The following ERBB4 variants were observed in gnomAD, a reference collection of about 807,000 sequenced individuals.
ERBB4 encodes erb-b2 receptor tyrosine kinase 4, also known as receptor tyrosine-protein kinase erbB-4.
Under a neutral mutation model 158.0 loss-of-function variants are expected in ERBB4, and 42 were observed. The observed-to-expected ratio is 0.27, with a 90% CI of 0.21 to 0.34. ERBB4 has a LOEUF of 0.34. Ranked by LOEUF, ERBB4 falls within the 10% of genes least tolerant of loss-of-function variation. The pLI is 1.00. For synonymous variants in ERBB4, 583 were observed against 558.7 expected, an observed-to-expected ratio of 1.04 and a Z score of -0.61; for missense variants, 1,333 against 1,624.1, an observed-to-expected ratio of 0.82 and a Z score of 3.08.
At chr2:212,531,674 G>GA (rs980078510) in intron 1 of ERBB4, among the ~76,000 whole-genome samples, 10 of 151,638 alleles carry the variant, frequency 6.6e-5, no homozygotes, top group South Asian at 2.1e-4. Flanking sequence ...TTTTAAAAAT[G>GA]AAAAAATAAG....
intron 1 of ERBB4, among the ~76,000 whole-genome samples, chr2:212,530,692 G>A (rs146194013): frequency 1.8e-4 from 27 of 152,184 alleles, no homozygotes; most frequent in African/African-American, 5.5e-4. Flanking sequence ...ACAAGCACAC[G>A]CATTTTTTGA....
chr2:212,113,935 T>G (rs764983732), intron 2 of ERBB4, among the ~76,000 whole-genome samples: 1 of 152,192 alleles, frequency 6.6e-6, no homozygotes, highest in South Asian at 2.1e-4. Context: ...GTAATTCCTG[T>G]GCATTTTTTT....
At chr2:211,695,212 C>T (rs2072968825) in intron 12 of ERBB4, among the ~76,000 whole-genome samples, 1 of 152,136 alleles carries the variant, frequency 6.6e-6, no homozygotes, top group Non-Finnish European at 1.5e-5. Context: ...CAATTCTGGA[C>T]TCACTATAAA....
chr2:211,875,044 AAAAAAAC>A (rs1559600616), intron 3 of ERBB4, among the ~76,000 whole-genome samples: 1 of 113,968 alleles, frequency 8.8e-6, no homozygotes, highest in Non-Finnish European at 2.2e-5. Flanking sequence ...AAAAAAAAAA[AAAAAAAC>A]AAACTCAAAT....
At chr2:211,690,013 A>AAT (rs1244451748) in intron 12 of ERBB4, among the ~76,000 whole-genome samples, 4 of 148,950 alleles carry the variant, frequency 2.7e-5, no homozygotes, top group South Asian at 4.2e-4. Flanking sequence ...ATCTATCTAA[A>AAT]ATATATATAT....
In ERBB4 at chr2:211,414,748, T is replaced by C. The variant is rs973530578; in HGVS notation, c.3135+5693A>G. The stretch of plus-strand genomic sequence containing the variant: ...TAACAGCAACTTGAAATGAGAAGTC[T>C]CCCTCCTCCATCCCCTCTGTTAGCT... On this transcript the variant is annotated intron_variant, in intron 25 of 27. Coordinates refer to ENST00000342788, the MANE Select transcript of ERBB4 (RefSeq NM_005235.3). Among the ~76,000 whole-genome samples, 123 of 152,158 alleles carry C rather than the reference T, an allele frequency of 8.1e-4. 3 individuals carry two copies. The highest frequency in any genetic ancestry group is 8.0e-3 in the Admixed American group (123 of 15,286).
intron 5 of ERBB4, among the ~76,000 whole-genome samples, chr2:211,749,271 T>A (rs2075060244): frequency 6.6e-6 from 1 of 152,182 alleles, no homozygotes; most frequent in Non-Finnish European, 1.5e-5. Context: ...AATCCACATG[T>A]CTATGACCCT....
intron 2 of ERBB4, among the ~76,000 whole-genome samples, chr2:212,051,600 T>A (rs1021543945): frequency 6.6e-6 from 1 of 152,160 alleles, no homozygotes; most frequent in South Asian, 2.1e-4. Context: ...TCAGTAATCA[T>A]GGAAGCACAG....
intron 3 of ERBB4, among the ~76,000 whole-genome samples, chr2:211,794,980 C>G (rs2076352430): frequency 6.6e-6 from 1 of 151,812 alleles, no homozygotes; most frequent in Admixed American, 6.6e-5. Flanking sequence ...TTATGGTGCT[C>G]TACAGAAAAT....
intron 2 of ERBB4, among the ~76,000 whole-genome samples, chr2:212,034,777 C>T (rs1200321449): frequency 4.6e-5 from 7 of 152,006 alleles, no homozygotes; most frequent in African/African-American, 9.7e-5. Context: ...CATTTAGAAA[C>T]GTAAATGACT....
chr2:211,609,747 A>AT (rs1257734903), intron 19 of ERBB4, among the ~76,000 whole-genome samples: 1 of 152,098 alleles, frequency 6.6e-6, no homozygotes, highest in East Asian at 1.9e-4. Flanking sequence ...ATTAATTTGC[A>AT]TCATGTCAGT....
chr2:212,033,021 A>G (rs915825480), intron 2 of ERBB4, among the ~76,000 whole-genome samples: 1 of 151,984 alleles, frequency 6.6e-6, no homozygotes, highest in African/African-American at 2.4e-5. Context: ...AGTTGATAGG[A>G]AACTGGGAAA....
At chr2:212,295,331 A>G (rs1004977522) in intron 1 of ERBB4, among the ~76,000 whole-genome samples, 5 of 152,060 alleles carry the variant, frequency 3.3e-5, no homozygotes, top group Admixed American at 3.3e-4. Context: ...CAAAAAATGA[A>G]GAGAAGACAT....
chr2:212,206,328 T>C (rs1351065104), intron 1 of ERBB4, among the ~76,000 whole-genome samples: 1 of 152,170 alleles, frequency 6.6e-6, no homozygotes, highest in African/African-American at 2.4e-5. Context: ...AATCCTAGGA[T>C]TGCCCTTCTA....
intron 20 of ERBB4, among the ~76,000 whole-genome samples, chr2:211,546,198 T>C (rs2066935281): frequency 6.6e-6 from 1 of 152,106 alleles, no homozygotes; most frequent in South Asian, 2.1e-4. Context: ...TTTTCACACA[T>C]ACATATTTCA....
intron 3 of ERBB4, among the ~76,000 whole-genome samples, chr2:211,925,970 T>A (rs73989229): frequency 1.3e-5 from 2 of 151,942 alleles, no homozygotes; most frequent in Non-Finnish European, 2.9e-5. Context: ...TGAAATGCAG[T>A]AGTAAGAAAT....
At chr2:212,403,302 G>A (rs952889781) in intron 1 of ERBB4, among the ~76,000 whole-genome samples, 14 of 151,922 alleles carry the variant, frequency 9.2e-5, no homozygotes, top group African/African-American at 2.7e-4. Context: ...GAGATTTCTC[G>A]ATTTAAAAGC....
intron 20 of ERBB4, among the ~76,000 whole-genome samples, chr2:211,445,504 GAGA>G (rs2125462851): frequency 6.6e-6 from 1 of 152,198 alleles, no homozygotes; most frequent in East Asian, 1.9e-4. Context: ...AGATTTATAG[GAGA>G]AGAACAAAGA....
Position 211,642,836 on chromosome 2 carries a change from TAAC to T in ERBB4, c.1947-12245_1947-12243del, listed in dbSNP as rs2070648066. Among the ~76,000 whole-genome samples the T allele has an allele frequency of 5.3e-5, 8 of 152,256 alleles. 1 individual carries two copies. The South Asian group carries it at 1.7e-3, about 32-fold the overall frequency. Reference sequence around the variant, plus strand: ...AGAGCTCCCTATATGTTTTTAAACTTAACAAAAGCATAATTCTAAAATATCTTT... The same window carrying T: ...AGAGCTCCCTATATGTTTTTAAACTTAAAAGCATAATTCTAAAATATCTTT... On this transcript the variant is annotated intron_variant, in intron 16 of 27. Transcript: ENST00000342788.
Sources: gnomAD v4.1 joint callset for allele counts (sites outside exome capture counted in the v4.1 genomes callset) on GRCh38, gnomAD v4.1.1 for gene constraint, MANE v1.5 for transcripts, NCBI Gene and HGNC (gene_info 2026-07-23, HGNC 2026-07-21) for gene names.